Variants in RALA observed in about 807,000 individuals in gnomAD.
The protein encoded by RALA is ras-related protein Ral-A.
RALA carries 5 observed loss-of-function variants against 24.0 expected under a neutral mutation model. The observed-to-expected ratio is 0.21, with a 90% CI of 0.11 to 0.44. RALA has a LOEUF of 0.44. Among genes scored for constraint, RALA ranks in the 20% least tolerant of loss-of-function variants. The pLI is 0.99. For missense variants in RALA, 95 were observed against 241.2 expected (o/e 0.39, Z 4.01); for synonymous variants, 77 against 83.8 (o/e 0.92, Z 0.44).
intron 1 of RALA, among the ~76,000 whole-genome samples, chr7:39,634,181 G>C (rs937078934): frequency 6.6e-6 from 1 of 152,130 alleles, no homozygotes; most frequent in Non-Finnish European, 1.5e-5. Context: ...AGTGCTGGTA[G>C]GTAGAGTATT....
intron 1 of RALA, among the ~76,000 whole-genome samples, chr7:39,662,711 A>G (rs1286357534): frequency 6.6e-6 from 1 of 152,182 alleles, no homozygotes; most frequent in Non-Finnish European, 1.5e-5. Context: ...AGTCTGTAGG[A>G]AGTTCCAGAC....
intron 1 of RALA, among the ~76,000 whole-genome samples, chr7:39,639,809 G>A (rs1173402921): frequency 2.6e-5 from 4 of 152,052 alleles, no homozygotes; most frequent in East Asian, 3.9e-4. Context: ...ACAGGACACC[G>A]TCCTGTTGCA....
At chr7:39,675,168 T>C (rs2116035721) in intron 1 of RALA, among the ~76,000 whole-genome samples, 1 of 152,294 alleles carries the variant, frequency 6.6e-6, no homozygotes. Context: ...ACCATTTTGC[T>C]GCTCTGTGGG....
At chr7:39,656,604 C>T (rs1260000378) in intron 1 of RALA, among the ~76,000 whole-genome samples, 1 of 152,148 alleles carries the variant, frequency 6.6e-6, no homozygotes, top group African/African-American at 2.4e-5. Flanking sequence ...GCAACAAGAC[C>T]GTGTTTTTGA....
At chr7:39,699,323 G>A (rs1792980552) in intron 4 of RALA, among the ~76,000 whole-genome samples, 1 of 150,488 alleles carries the variant, frequency 6.6e-6, no homozygotes, top group East Asian at 1.9e-4. Context: ...TGTATTTTTA[G>A]TAGAGACGGG....
chr7:39,694,707 A>G (rs1228170124), intron 3 of RALA, among the ~76,000 whole-genome samples: 1 of 152,058 alleles, frequency 6.6e-6, no homozygotes, highest in Non-Finnish European at 1.5e-5. Context: ...ATAATCTGAA[A>G]ATAAGGCAAG....
intron 1 of RALA, among the ~76,000 whole-genome samples, chr7:39,644,598 T>C (rs1044436215): frequency 2.0e-5 from 3 of 152,214 alleles, no homozygotes; most frequent in Non-Finnish European, 4.4e-5. Context: ...ACTGAAATAC[T>C]TTGTTTCATC....
intron 1 of RALA, among the ~76,000 whole-genome samples, chr7:39,680,315 G>A (rs1792567343): frequency 6.6e-6 from 1 of 151,768 alleles, no homozygotes; most frequent in South Asian, 2.1e-4. Context: ...GGCGGAGGTT[G>A]CAGTGAGCTG....
intron 1 of RALA, among the ~76,000 whole-genome samples, chr7:39,646,655 A>C (rs74909177): frequency 0.062 from 9,446 of 152,272 alleles, 384 homozygotes; most frequent in Non-Finnish European, 0.087. Context: ...GAATAGACAT[A>C]AAATTGCTCT....
chr7:39,695,487 C>T (rs1583756805), intron 3 of RALA, among the ~76,000 whole-genome samples: 2 of 151,838 alleles, frequency 1.3e-5, no homozygotes, highest in East Asian at 3.9e-4. Context: ...TCATGGCTCA[C>T]TGCAGCCTTG....
intron 1 of RALA, among the ~76,000 whole-genome samples, chr7:39,658,750 T>C (rs1300289517): frequency 6.6e-6 from 1 of 152,068 alleles, no homozygotes; most frequent in Non-Finnish European, 1.5e-5. Context: ...TTAGTTTTTT[T>C]ATTTTAATTT....
intron 1 of RALA, among the ~76,000 whole-genome samples, chr7:39,672,341 A>G (rs1213112772): frequency 5.3e-5 from 8 of 152,218 alleles, no homozygotes; most frequent in African/African-American, 1.9e-4. Context: ...AATGCAAATT[A>G]AAAGGAAATA....
At chr7:39,655,943 A>G (rs926161672) in intron 1 of RALA, among the ~76,000 whole-genome samples, 1 of 152,194 alleles carries the variant, frequency 6.6e-6, no homozygotes, top group South Asian at 2.1e-4. Context: ...CCTATGAGCA[A>G]TGTGGAGTCT....
chr7:39,623,869 A>C lies in RALA; in HGVS notation c.-38+44A>C, dbSNP rs1791424357. Reference sequence around the variant, plus strand: ...GGCCGCCCGGGGAGGGACTGGGGCCACCCGGGCGGCGGCGGGGGTGTGTCC... The same window carrying C: ...GGCCGCCCGGGGAGGGACTGGGGCCCCCCGGGCGGCGGCGGGGGTGTGTCC... On this transcript the variant is annotated intron_variant, in intron 1 of 4. Transcript: ENST00000005257. This position sits in a 1 kb window ranked among gnomAD's most constrained non-coding sequence, Gnocchi z 4.9. 6.6e-6 allele frequency: 1 copy of C among 151,368 alleles called. No homozygotes were observed. The highest frequency in any genetic ancestry group is 2.4e-5 in the African/African-American group (1 of 41,136). 9.4% of individuals were successfully genotyped at this position (151,368 alleles called of 1,614,324 possible). A position where few individuals can be genotyped will look rare whatever the true frequency, so the allele number is the denominator to read the frequency against.
chr7:39,647,893 TC>T (rs1005678962), intron 1 of RALA, among the ~76,000 whole-genome samples: 34 of 152,332 alleles, frequency 2.2e-4, no homozygotes, highest in Admixed American at 2.0e-3. Context: ...GAAAATTTCT[TC>T]CTGCTTTTCA....
intron 4 of RALA, among the ~76,000 whole-genome samples, chr7:39,699,121 A>ATTTAT (rs1792971783): frequency 1.6e-5 from 1 of 61,374 alleles, no homozygotes; most frequent in Non-Finnish European, 3.4e-5. Flanking sequence ...TAAAAATGTT[A>ATTTAT]TTTTTTTTTT....
chr7:39,665,785 TCATTC>T (rs1430180545), intron 1 of RALA, among the ~76,000 whole-genome samples: 1 of 152,108 alleles, frequency 6.6e-6, no homozygotes, highest in Non-Finnish European at 1.5e-5. Context: ...TTGTGTAAGG[TCATTC>T]TTACTAGTTT....
chr7:39,633,789 G>A (rs1185254896), intron 1 of RALA, among the ~76,000 whole-genome samples: 1 of 152,150 alleles, frequency 6.6e-6, no homozygotes, highest in Admixed American at 6.6e-5. Context: ...CATCTGGCAG[G>A]AATGATTTGT....
chr7:39,674,998 G>A (rs767901551), intron 1 of RALA, among the ~76,000 whole-genome samples: 3 of 151,876 alleles, frequency 2.0e-5, no homozygotes, highest in Non-Finnish European at 2.9e-5. Context: ...TAATTTTGTT[G>A]TATTTTCAGT....
Sources: gnomAD v4.1 joint callset for allele counts (sites outside exome capture counted in the v4.1 genomes callset) on GRCh38, gnomAD v4.1.1 for gene constraint, Gnocchi (gnomAD v3.1) non-coding constraint, MANE v1.5 for transcripts, NCBI Gene and HGNC (gene_info 2026-07-23, HGNC 2026-07-21) for gene names.